ASB1: variants seen among roughly 807,000 people sequenced by gnomAD.
ASB1 encodes the protein ankyrin repeat and SOCS box containing 1.
Under a neutral mutation model 27.7 loss-of-function variants are expected in ASB1, and 18 were observed. The observed-to-expected ratio is 0.65, with a 90% CI of 0.45 to 0.96. The LOEUF (loss-of-function observed/expected upper bound fraction) is 0.96, where lower values mean the gene tolerates loss of function less well. Ranked by LOEUF, ASB1 falls within the 50% of genes least tolerant of loss-of-function variation. The probability of loss-of-function intolerance (pLI) is 0.00; values close to 1 mark genes in which losing one functional copy is unlikely to be tolerated. For synonymous variants in ASB1, 189 were observed against 187.6 expected, an observed-to-expected ratio of 1.01 and a Z score of -0.06; for missense variants, 397 against 451.7, an observed-to-expected ratio of 0.88 and a Z score of 1.10.
intron 3 of ASB1, among the ~76,000 whole-genome samples, chr2:238,437,948 G>A (rs1442208434): frequency 6.6e-6 from 1 of 152,194 alleles, no homozygotes; most frequent in East Asian, 1.9e-4. Context: ...ATGTTAGAGG[G>A]TGATAAAGCT....
intron 3 of ASB1, among the ~76,000 whole-genome samples, chr2:238,437,668 G>T (rs1342600512): frequency 6.6e-6 from 1 of 151,014 alleles, no homozygotes; most frequent in Non-Finnish European, 1.5e-5. Context: ...AGACCAAATT[G>T]CTCTGCATTT....
At position 238,450,726 on chromosome 2, in the gene ASB1, C is replaced by T. The variant is rs1702266441; in HGVS notation, c.*4215C>T. On this transcript the variant is annotated 3_prime_UTR_variant, in exon 5 of 5. Coordinates refer to ENST00000264607, the MANE Select transcript of ASB1 (RefSeq NM_001040445.3). Reference sequence around the variant, plus strand: ...CACCCCTGGATCCATGGGACACACTCACAGGAAGCTGATGTGGCCTTCTCG... The same window carrying T: ...CACCCCTGGATCCATGGGACACACTTACAGGAAGCTGATGTGGCCTTCTCG... 1 of 152,186 alleles carries T rather than the reference C, an allele frequency of 6.6e-6. No homozygotes were observed. Among genetic ancestry groups the T allele is most frequent in the African/African-American group, 2.4e-5 (1 of 41,400 alleles). 9.4% of individuals were successfully genotyped at this position (152,186 alleles called of 1,614,324 possible). A position where few individuals can be genotyped will look rare whatever the true frequency, so the allele number is the denominator to read the frequency against.
At chr2:238,437,100 A>G (rs888618052) in intron 3 of ASB1, among the ~76,000 whole-genome samples, 5 of 152,096 alleles carry the variant, frequency 3.3e-5, no homozygotes, top group Admixed American at 2.0e-4. Context: ...TACAGTGAAC[A>G]TTATTGCTAT....
chr2:238,435,152 C>T (rs1701943485), intron 2 of ASB1: 1 of 153,526 alleles, frequency 6.5e-6, no homozygotes, highest in Non-Finnish European at 1.4e-5. Flanking sequence ...GGACAGGTTC[C>T]TCTGCCGCTC....
At chr2:238,437,460 G>T (rs1701994636) in intron 3 of ASB1, among the ~76,000 whole-genome samples, 1 of 152,040 alleles carries the variant, frequency 6.6e-6, no homozygotes. Flanking sequence ...TCGATCTTCT[G>T]ACCTCGTGAT....
intron 1 of ASB1, 178 bp from the exon 2 acceptor site, chr2:238,433,376 G>C (rs1051429860): frequency 2.5e-5 from 17 of 674,976 alleles, no homozygotes; most frequent in African/African-American, 2.0e-4. Flanking sequence ...TCCTGCCTCA[G>C]CCTCCTGAGT....
At position 238,446,560 on chromosome 2, in the gene ASB1, G is replaced by A; in HGVS notation, c.*49G>A. ...CAGTGAGGGAGAAAGTGATCTGCAGGGAGGTGGACACCGAGCCCTGAGTGC... is the reference window on the plus strand; with the variant it reads ...CAGTGAGGGAGAAAGTGATCTGCAGAGAGGTGGACACCGAGCCCTGAGTGC... On this transcript the variant is annotated 3_prime_UTR_variant, in exon 5 of 5. Transcript: ENST00000264607. 1.2e-6 allele frequency: 2 copies of A among 1,605,738 alleles called. No homozygotes were observed. Among genetic ancestry groups the A allele is most frequent in the Non-Finnish European group, 8.5e-7 (1 of 1,178,234 alleles).
chr2:238,437,215 C>G (rs1279517823), intron 3 of ASB1, among the ~76,000 whole-genome samples: 1 of 151,714 alleles, frequency 6.6e-6, no homozygotes, highest in Non-Finnish European at 1.5e-5. Flanking sequence ...TTCCATTATA[C>G]TAGGTTTACA....
At chr2:238,432,952 T>A (rs2106403442) in intron 1 of ASB1, among the ~76,000 whole-genome samples, 1 of 152,242 alleles carries the variant, frequency 6.6e-6, no homozygotes, top group East Asian at 1.9e-4. Flanking sequence ...TTCACCATGT[T>A]GGCCAGGATG....
rs1360073956 is a variant in ASB1, at chr2:238,448,521, C to T, written c.*2010C>T. On this transcript the variant is annotated 3_prime_UTR_variant, in exon 5 of 5. Coordinates refer to ENST00000264607, the MANE Select transcript of ASB1 (RefSeq NM_001040445.3). ...GCTCTTCTTCCTGCCACCCTTTGGG[C>T]TCAGAGGAGGGTGGCTTTTTTCGAG... 6.6e-6 allele frequency: 1 copy of T among 152,288 alleles called. No individual in the cohort carries two copies. Among genetic ancestry groups the T allele is most frequent in the Non-Finnish European group, 1.5e-5 (1 of 68,106 alleles). The allele number at this position is 152,288 out of a possible 1,614,324, so 9.4% of individuals were successfully genotyped here.
intron 1 of ASB1, among the ~76,000 whole-genome samples, chr2:238,432,317 C>T (rs974991331): frequency 4.6e-5 from 7 of 152,140 alleles, no homozygotes; most frequent in African/African-American, 1.7e-4. Flanking sequence ...ATTTAAAATT[C>T]CTTGATTATT....
rs763434208 is a variant in ASB1 at position 238,433,712 on chromosome 2, A to G, written c.191+17A>G. The G allele has an allele frequency of 6.2e-7, 1 of 1,613,080 alleles. No homozygotes were observed. Among genetic ancestry groups the G allele is most frequent in the African/African-American group, 1.3e-5 (1 of 74,892 alleles). On this transcript the variant is annotated intron_variant, in intron 2 of 4. Transcript: ENST00000264607. The stretch of plus-strand genomic sequence containing the variant: ...CTACCGGAGGTGAGCGGCGCTGCCC[A>G]GGGCTGGTCCGGGTACTAGGGCCCT...
rs1055821578 is a variant in ASB1, at chr2:238,451,865, G to A, written c.*5354G>A. On this transcript the variant is annotated 3_prime_UTR_variant, in exon 5 of 5. Transcript: ENST00000264607. ...TTTTTCTTTCTTCTTTCTATGGAAC[G>A]TTTCAAGTGATTGGATAGAAAGAAG... The A allele has an allele frequency of 2.6e-5, 4 of 150,986 alleles. No homozygotes were observed. The East Asian group carries it at 5.8e-4, about 22-fold the overall frequency. 9.4% of individuals were successfully genotyped at this position (150,986 alleles called of 1,614,324 possible).
At position 238,446,808 on chromosome 2, in the gene ASB1, G is replaced by C; in HGVS notation, c.*297G>C. 3.0e-6 allele frequency: 1 copy of C among 331,552 alleles called. No homozygotes were observed. The highest frequency in any genetic ancestry group is 5.5e-6 in the Non-Finnish European group (1 of 180,866). 20.5% of individuals were successfully genotyped at this position (331,552 alleles called of 1,614,324 possible). A position where few individuals can be genotyped will look rare whatever the true frequency, so the allele number is the denominator to read the frequency against. On this transcript the variant is annotated 3_prime_UTR_variant, in exon 5 of 5. Coordinates refer to ENST00000264607, the MANE Select transcript of ASB1 (RefSeq NM_001040445.3). ...TATGTACATGTAGGGGCTGAGGTTG[G>C]AGGCCTACTAATTTCCCTGTAGGGA...
At chr2:238,433,303 G>T (rs1701905227) in intron 1 of ASB1, 1 of 392,902 alleles carries the variant, frequency 2.5e-6, no homozygotes, top group African/African-American at 2.0e-5. Context: ...TATTTCTTTT[G>T]TTTTTACAGA....
chr2:238,442,615 T>G (rs982765630), intron 3 of ASB1, among the ~76,000 whole-genome samples: 54 of 152,232 alleles, frequency 3.5e-4, no homozygotes, highest in African/African-American at 1.2e-3. Flanking sequence ...ATTTGTGGAT[T>G]TTGTGTCAGA....
intron 3 of ASB1, among the ~76,000 whole-genome samples, chr2:238,442,758 A>G (rs1575007351): frequency 6.6e-6 from 1 of 152,174 alleles, no homozygotes; most frequent in African/African-American, 2.4e-5. Flanking sequence ...ACCTTTTTCC[A>G]TATGGATGTC....
At chr2:238,443,224 AAGT>A (rs1339516290) in intron 3 of ASB1, among the ~76,000 whole-genome samples, 4 of 152,148 alleles carry the variant, frequency 2.6e-5, no homozygotes, top group Non-Finnish European at 5.9e-5. Flanking sequence ...TGTTGACTTT[AAGT>A]AGTAGTTTAT....
At chr2:238,432,811 G>A (rs752388674) in intron 1 of ASB1, among the ~76,000 whole-genome samples, 1 of 151,610 alleles carries the variant, frequency 6.6e-6, no homozygotes, top group African/African-American at 2.4e-5. Flanking sequence ...GCAGTGGCGC[G>A]ATCTTGGCTT....
Sources: allele counts gnomAD v4.1 joint callset (sites outside exome capture counted in the v4.1 genomes callset), GRCh38; gene constraint gnomAD v4.1.1; transcripts MANE v1.5; gene names NCBI Gene and HGNC (gene_info 2026-07-23, HGNC 2026-07-21).